NRXN3: variants seen among roughly 807,000 people sequenced by gnomAD.
The protein encoded by NRXN3 is neurexin III.
NRXN3 carries 32 observed loss-of-function variants against 137.6 expected under a neutral mutation model. The ratio of observed to expected loss-of-function variants is 0.23; its 90% confidence interval spans 0.18 to 0.31. NRXN3 has a LOEUF of 0.31. NRXN3 is among the 10% of genes least tolerant of loss of function. NRXN3 has a pLI of 1.00. For synonymous variants in NRXN3, 798 were observed against 784.5 expected, an observed-to-expected ratio of 1.02 and a Z score of -0.29; for missense variants, 1,574 against 2,062.5, an observed-to-expected ratio of 0.76 and a Z score of 4.59.
intron 16 of NRXN3, among the ~76,000 whole-genome samples, chr14:79,497,553 A>G (rs1163603999): frequency 6.6e-6 from 1 of 151,998 alleles, no homozygotes; most frequent in Non-Finnish European, 1.5e-5. Flanking sequence ...AGATTTTACC[A>G]TTAGCAATAC....
rs181424148 is a variant in NRXN3, at chr14:79,711,754, G to T, written c.4014+13817G>T. On this transcript the variant is annotated intron_variant, in intron 19 of 20. Transcript: ENST00000335750. Reference sequence around the variant, plus strand: ...CGAAGAACTGCCTTTGACTATTGAAGCCACCTTGCCCAACCAAGGTCAAGC... The same window carrying T: ...CGAAGAACTGCCTTTGACTATTGAATCCACCTTGCCCAACCAAGGTCAAGC... Among the ~76,000 whole-genome samples the T allele has an allele frequency of 2.2e-3, 337 of 152,292 alleles. 2 individuals carry two copies. The highest frequency in any genetic ancestry group is 1.2e-3 in the Non-Finnish European group (84 of 68,030).
intron 15 of NRXN3, among the ~76,000 whole-genome samples, chr14:79,180,027 C>A (rs2062752508): frequency 6.6e-6 from 1 of 152,170 alleles, no homozygotes. Flanking sequence ...CTTTCTTTCT[C>A]TTCTAGTAAA....
chr14:78,810,383 AAAAAAAC>A (rs756305843), intron 10 of NRXN3, 39 bp downstream of exon 10: 1 of 1,124,364 alleles, frequency 8.9e-7, no homozygotes, highest in Non-Finnish European at 1.2e-6. Context: ...TCTTTAAAAA[AAAAAAAC>A]AAAACTGACT....
At chr14:78,295,698 G>A (rs1217544325) in intron 3 of NRXN3, among the ~76,000 whole-genome samples, 1 of 152,120 alleles carries the variant, frequency 6.6e-6, no homozygotes, top group African/African-American at 2.4e-5. Flanking sequence ...ATTAGGTCTT[G>A]GTTCGTGAAG....
intron 4 of NRXN3, among the ~76,000 whole-genome samples, chr14:78,513,115 G>A (rs1271103592): frequency 6.6e-6 from 1 of 152,138 alleles, no homozygotes; most frequent in Non-Finnish European, 1.5e-5. Flanking sequence ...GATGAGGAAG[G>A]CAACTTGGCA....
At chr14:79,713,351 T>C (rs557622931) in intron 19 of NRXN3, among the ~76,000 whole-genome samples, 98 of 150,054 alleles carry the variant, frequency 6.5e-4, no homozygotes, top group Non-Finnish European at 1.2e-3. Flanking sequence ...TTTGGTATGA[T>C]TTGATGAGCT....
intron 10 of NRXN3, among the ~76,000 whole-genome samples, chr14:78,942,331 C>T (rs1042259682): frequency 6.6e-6 from 1 of 152,224 alleles, no homozygotes; most frequent in Admixed American, 6.5e-5. Context: ...TGACTCTTAA[C>T]TCTTCCTGTC....
intron 15 of NRXN3, among the ~76,000 whole-genome samples, chr14:79,358,615 A>AAGAAAGAAAGAAAG (rs2093549467): frequency 7.6e-6 from 1 of 130,752 alleles, no homozygotes; most frequent in African/African-American, 3.0e-5. Flanking sequence ...AAGAGAAAGA[A>AAGAAAGAAAGAAAG]AGAAAGAAAG....
intron 4 of NRXN3, among the ~76,000 whole-genome samples, chr14:78,456,799 C>CTCTCTCTT (rs1555539840): frequency 2.9e-3 from 281 of 97,686 alleles, no homozygotes; most frequent in Middle Eastern, 0.01. Flanking sequence ...CTCTCTTTCT[C>CTCTCTCTT]TCTTTCTTTC....
At chr14:78,532,011 A>G (rs2096467801) in intron 4 of NRXN3, among the ~76,000 whole-genome samples, 1 of 152,090 alleles carries the variant, frequency 6.6e-6, no homozygotes, top group East Asian at 1.9e-4. Flanking sequence ...TTCCTGCTTC[A>G]TGGAGAAAAC....
intron 15 of NRXN3, among the ~76,000 whole-genome samples, chr14:79,322,258 G>T (rs2090158729): frequency 1.3e-5 from 2 of 152,226 alleles, no homozygotes; most frequent in Admixed American, 1.3e-4. Flanking sequence ...CCTTCATGTG[G>T]CTTTGGTAGC....
chr14:78,681,852 T>G (rs2098079336), intron 6 of NRXN3, among the ~76,000 whole-genome samples: 1 of 151,976 alleles, frequency 6.6e-6, no homozygotes, highest in Admixed American at 6.6e-5. Context: ...TGATTGATAC[T>G]CGGTTTTGTT....
intron 19 of NRXN3, among the ~76,000 whole-genome samples, chr14:79,713,478 GTA>G (rs76633474): frequency 2.6e-4 from 35 of 135,318 alleles, no homozygotes; most frequent in Admixed American, 3.7e-4. Context: ...TATATATAAT[GTA>G]TATATATATA....
chr14:78,601,677 A>G (rs187355619), intron 4 of NRXN3, among the ~76,000 whole-genome samples: 6 of 152,142 alleles, frequency 3.9e-5, no homozygotes, highest in Admixed American at 3.9e-4. Flanking sequence ...GATGGTCTCT[A>G]TCTCCTGACC....
At chr14:79,026,964 AT>A (rs1451959514) in intron 15 of NRXN3, among the ~76,000 whole-genome samples, 13 of 274 alleles carry the variant, frequency 0.047, no homozygotes, top group Non-Finnish European at 0.14. Flanking sequence ...ATATATATAT[AT>A]ATATATATAT....
At chr14:79,424,236 GAC>G (rs1044221793) in intron 15 of NRXN3, among the ~76,000 whole-genome samples, 23 of 152,080 alleles carry the variant, frequency 1.5e-4, no homozygotes, top group African/African-American at 5.6e-4. Flanking sequence ...TACAAATTAA[GAC>G]AAATATTCAT....
intron 15 of NRXN3, among the ~76,000 whole-genome samples, chr14:79,032,984 T>C (rs568651545): frequency 3.3e-5 from 5 of 152,282 alleles, no homozygotes; most frequent in Non-Finnish European, 7.4e-5. Context: ...CTTCAATTAA[T>C]GTTAACTGTT....
intron 15 of NRXN3, among the ~76,000 whole-genome samples, chr14:79,286,535 AATATAT>A (rs111827205): frequency 7.2e-5 from 10 of 139,668 alleles, no homozygotes; most frequent in African/African-American, 2.3e-4. Flanking sequence ...TTGAGAGAAT[AATATAT>A]ATATATATAT....
intron 15 of NRXN3, among the ~76,000 whole-genome samples, chr14:79,190,082 T>G (rs774309214): frequency 6.6e-6 from 1 of 152,220 alleles, no homozygotes; most frequent in Non-Finnish European, 1.5e-5. Context: ...TCTACTCATT[T>G]GTTCAGATTT....
Sources: gnomAD v4.1 joint callset for allele counts (sites outside exome capture counted in the v4.1 genomes callset) on GRCh38, gnomAD v4.1.1 for gene constraint, MANE v1.5 for transcripts, NCBI Gene and HGNC (gene_info 2026-07-23, HGNC 2026-07-21) for gene names.